Variants in DPP10 observed in about 807,000 individuals in gnomAD.
DPP10 encodes the protein dipeptidyl peptidase like 10.
DPP10 carries 33 observed loss-of-function variants against 120.9 expected under a neutral mutation model. The ratio of observed to expected loss-of-function variants is 0.27; its 90% CI spans 0.21 to 0.37. The LOEUF is 0.37. Among genes scored for constraint, DPP10 ranks in the 10% least tolerant of loss-of-function variants. The probability of loss-of-function intolerance (pLI) is 1.00; values close to 1 mark genes in which losing one functional copy is unlikely to be tolerated. For synonymous variants in DPP10, 337 were observed against 326.1 expected (o/e 1.03, Z -0.36); for missense variants, 816 against 942.8 (o/e 0.87, Z 1.76).
intron 7 of DPP10, among the ~76,000 whole-genome samples, chr2:115,693,200 C>T (rs992620939): frequency 5.9e-5 from 9 of 152,186 alleles, no homozygotes; most frequent in Non-Finnish European, 1.2e-4. Flanking sequence ...TCTCTGTAAT[C>T]TATCCCACTA....
At chr2:114,817,956 C>A (rs1455109664) in intron 1 of DPP10, among the ~76,000 whole-genome samples, 3 of 152,050 alleles carry the variant, frequency 2.0e-5, no homozygotes, top group Non-Finnish European at 4.4e-5. Flanking sequence ...TAACTCAAGC[C>A]AATTCATGTG....
chr2:115,783,296 G>A (rs763358213), intron 17 of DPP10, among the ~76,000 whole-genome samples: 17 of 152,048 alleles, frequency 1.1e-4, no homozygotes, highest in Non-Finnish European at 2.4e-4. Context: ...ACTAATAAAT[G>A]GCAGAACCAG....
chr2:114,466,374 T>C (rs1679378117), intron 1 of DPP10, among the ~76,000 whole-genome samples: 1 of 152,238 alleles, frequency 6.6e-6, no homozygotes, highest in African/African-American at 2.4e-5. Flanking sequence ...TATGCATATA[T>C]TTAAGCATAA....
intron 3 of DPP10, among the ~76,000 whole-genome samples, chr2:115,490,186 T>C (rs900461037): frequency 5.3e-5 from 8 of 152,096 alleles, no homozygotes; most frequent in African/African-American, 1.9e-4. Flanking sequence ...ACTGGGTAAT[T>C]TATAAAGGGG....
intron 5 of DPP10, among the ~76,000 whole-genome samples, chr2:115,530,990 C>T (rs892525346): frequency 6.6e-5 from 10 of 152,074 alleles, no homozygotes; most frequent in African/African-American, 2.4e-4. Flanking sequence ...ATAAAAACAG[C>T]TAATTATTTA....
intron 1 of DPP10, among the ~76,000 whole-genome samples, chr2:114,965,623 G>A (rs779093009): frequency 6.6e-6 from 1 of 151,644 alleles, no homozygotes. Context: ...AAGGGAGTAA[G>A]TATGGACAGA....
At chr2:114,788,965 C>T (rs1237611975) in intron 1 of DPP10, among the ~76,000 whole-genome samples, 1 of 152,060 alleles carries the variant, frequency 6.6e-6, no homozygotes, top group Non-Finnish European at 1.5e-5. Flanking sequence ...AAGTAGGTTC[C>T]ATGGGATGAT....
At position 115,171,060 on chromosome 2, in the gene DPP10, G is replaced by T. The variant is rs147779440; in HGVS notation, c.61-138179G>T. On this transcript the variant is annotated intron_variant, in intron 1 of 25. Transcript: ENST00000410059. ...GTCTAAGAGTTGATTGACTTTCTGA[G>T]AAAGAATACTTTGATATTGGCTGGG... 3.2e-3 allele frequency among the ~76,000 whole-genome samples: 488 copies of T among 152,168 alleles called. 4 individuals carry two copies. Among genetic ancestry groups the T allele is most frequent in the African/African-American group, 0.011 (465 of 41,486 alleles).
intron 5 of DPP10, among the ~76,000 whole-genome samples, chr2:115,561,708 G>C (rs1459590867): frequency 6.6e-6 from 1 of 152,054 alleles, no homozygotes; most frequent in African/African-American, 2.4e-5. Context: ...CTTATGGAAG[G>C]AAAATAGACA....
At chr2:114,611,461 C>G (rs938168905) in intron 1 of DPP10, among the ~76,000 whole-genome samples, 4 of 152,152 alleles carry the variant, frequency 2.6e-5, no homozygotes, top group African/African-American at 9.7e-5. Flanking sequence ...GACAAAACTT[C>G]TATTAACATT....
intron 5 of DPP10, among the ~76,000 whole-genome samples, chr2:115,548,838 G>A (rs965901244): frequency 1.3e-5 from 2 of 152,102 alleles, no homozygotes; most frequent in Non-Finnish European, 2.9e-5. Flanking sequence ...GTGGAAATGT[G>A]GCAGTGGCAT....
intron 1 of DPP10, among the ~76,000 whole-genome samples, chr2:115,239,392 A>G (rs1446276736): frequency 6.6e-6 from 1 of 152,168 alleles, no homozygotes; most frequent in Non-Finnish European, 1.5e-5. Context: ...AAATTTTCAT[A>G]GCCACCCCAA....
intron 13 of DPP10, among the ~76,000 whole-genome samples, chr2:115,769,640 AATAAATGCATTT>A (rs1472381794): frequency 1.1e-4 from 16 of 152,006 alleles, no homozygotes; most frequent in Non-Finnish European, 2.4e-4. Context: ...TTATGCTCTA[AATAAATGCATTT>A]ATAGATGCAT....
In DPP10 at chr2:114,442,766, A is replaced by G. The variant is rs769088183; in HGVS notation, c.-13A>G. 49 of 1,613,212 alleles carry G rather than the reference A, an allele frequency of 3.0e-5. 1 individual carries two copies. Among genetic ancestry groups the G allele is most frequent in the Non-Finnish European group, 3.2e-5 (38 of 1,179,438 alleles). ...CTCCGCCTGGGATTGTGCACTGTCC[A>G]GGGTCCTGAAACATGAACCAAACTG... On this transcript the variant is annotated 5_prime_UTR_variant, in exon 1 of 26. Coordinates refer to ENST00000410059, the MANE Select transcript of DPP10 (RefSeq NM_020868.6).
chr2:115,819,999 C>A (rs1052301898), intron 21 of DPP10, among the ~76,000 whole-genome samples: 7 of 152,040 alleles, frequency 4.6e-5, no homozygotes, highest in Non-Finnish European at 1.0e-4. Flanking sequence ...TGTCTCAAAA[C>A]AAAACAAAAA....
chr2:115,444,742 GT>G (rs1473035391), intron 3 of DPP10, among the ~76,000 whole-genome samples: 2 of 152,180 alleles, frequency 1.3e-5, no homozygotes, highest in Non-Finnish European at 2.9e-5. Flanking sequence ...AAGTATAGAA[GT>G]AATGCATTTT....
chr2:114,886,686 T>C (rs1463442410), intron 1 of DPP10, among the ~76,000 whole-genome samples: 1 of 152,194 alleles, frequency 6.6e-6, no homozygotes, highest in Non-Finnish European at 1.5e-5. Flanking sequence ...ATCAAAAGTC[T>C]GTTATGGATA....
chr2:115,226,126 T>A (rs2057423037), intron 1 of DPP10, among the ~76,000 whole-genome samples: 1 of 152,166 alleles, frequency 6.6e-6, no homozygotes, highest in Non-Finnish European at 1.5e-5. Flanking sequence ...AGAATGCTGT[T>A]CTCATTAGTC....
intron 1 of DPP10, among the ~76,000 whole-genome samples, chr2:114,681,857 T>C (rs1049023720): frequency 6.6e-5 from 10 of 152,002 alleles, no homozygotes; most frequent in Non-Finnish European, 1.0e-4. Flanking sequence ...TGTTGTGAGA[T>C]CACTGTGGCA....
Sources: allele counts gnomAD v4.1 joint callset (sites outside exome capture counted in the v4.1 genomes callset), GRCh38; gene constraint gnomAD v4.1.1; transcripts MANE v1.5; gene names NCBI Gene and HGNC (gene_info 2026-07-23, HGNC 2026-07-21).